HDAC7: variants seen among roughly 807,000 people sequenced by gnomAD.
HDAC7 encodes histone deacetylase 7A.
In HDAC7, 26 loss-of-function variants were observed where a neutral mutation model predicts 115.5. The observed-to-expected ratio is 0.23, with a 90% CI of 0.16 to 0.31. HDAC7 has a LOEUF of 0.31. Ranked by LOEUF, HDAC7 falls within the 10% of genes least tolerant of loss-of-function variation. The pLI is 1.00. For synonymous variants in HDAC7, 564 were observed against 550.9 expected, an observed-to-expected ratio of 1.02 and a Z score of -0.33; for missense variants, 1,068 against 1,329.0, an observed-to-expected ratio of 0.80 and a Z score of 3.05.
At chr12:47,814,249 C>T (rs1275873336) in intron 1 of HDAC7, among the ~76,000 whole-genome samples, 1 of 152,178 alleles carries the variant, frequency 6.6e-6, no homozygotes, top group African/African-American at 2.4e-5. Context: ...CCCTTGAGCC[C>T]TGTCCTCTCT....
rs745933056 is a variant in HDAC7, at chr12:47,791,224, G to A, written c.1983+35C>T. 3.2e-6 allele frequency: 5 copies of A among 1,565,240 alleles called. No homozygotes were observed. In the South Asian group the frequency reaches 4.7e-5, roughly 15 times the overall value. The stretch of plus-strand genomic sequence containing the variant: ...CACAGGGAGGAGAGCTGAGAGCCCT[G>A]GCAACGCCCCCCTGAGACCCCTGGG... On this transcript the variant is annotated intron_variant, in intron 16 of 25. Transcript: ENST00000080059.
At chr12:47,817,152 G>A (rs1302028906) in intron 1 of HDAC7, among the ~76,000 whole-genome samples, 1 of 152,204 alleles carries the variant, frequency 6.6e-6, no homozygotes, top group Non-Finnish European at 1.5e-5. Flanking sequence ...CCTGCTGACC[G>A]GGCTTCCTGC....
Position 47,819,815 on chromosome 12 carries a change from C to T in HDAC7, c.-30G>A, listed in dbSNP as rs1944972227. ...GGGCCGGGGCCCTCAGAGCGGGGGG[C>T]TCATGGCGGGGCGGGGGGCTGGGGC... On this transcript the variant is annotated 5_prime_UTR_variant, in exon 1 of 26. Coordinates refer to ENST00000080059, the MANE Select transcript of HDAC7 (RefSeq NM_015401.5). The T allele has an allele frequency of 4.2e-6, 1 of 240,562 alleles. No individual in the cohort carries two copies. Among genetic ancestry groups the T allele is most frequent in the Non-Finnish European group, 6.9e-6 (1 of 144,268 alleles). The allele number at this position is 240,562 out of a possible 1,614,324, so 14.9% of individuals were successfully genotyped here. A position where few individuals can be genotyped will look rare whatever the true frequency, so the allele number is the denominator to read the frequency against.
At chr12:47,820,187 CG>C (rs1944984718), upstream of HDAC7, among the ~76,000 whole-genome samples, 2 of 151,538 alleles carry the variant, frequency 1.3e-5, no homozygotes, top group African/African-American at 4.8e-5. The surrounding 1 kb of genome is among the most constrained non-coding windows in gnomAD (Gnocchi z 4.3). Context: ...CCCCAGCCGC[CG>C]CGAGGCGCTC....
Position 47,783,263 on chromosome 12 carries a change from C to T in HDAC7, c.*578G>A, listed in dbSNP as rs73107927. ...CCAGATGGAGGGCTGCCAGTCTCGG[C>T]TGTCAGGGAGCTTCGTCTCAGTGCC... On this transcript the variant is annotated 3_prime_UTR_variant, in exon 26 of 26. Transcript: ENST00000080059. The T allele has an allele frequency of 0.025, 3,899 of 155,632 alleles. 68 individuals are homozygous for T. The highest frequency in any genetic ancestry group is 0.04 in the Non-Finnish European group (2,799 of 69,946). 9.6% of individuals were successfully genotyped at this position (155,632 alleles called of 1,614,324 possible). A position where few individuals can be genotyped will look rare whatever the true frequency, so the allele number is the denominator to read the frequency against.
chr12:47,819,506 G>T (rs1273741517), intron 1 of HDAC7, among the ~76,000 whole-genome samples: 1 of 152,036 alleles, frequency 6.6e-6, no homozygotes, highest in Non-Finnish European at 1.5e-5. Flanking sequence ...GCCCCGGGGC[G>T]GGCGGATGTG....
At chr12:47,812,089 CA>C (rs1474448738) in intron 1 of HDAC7, among the ~76,000 whole-genome samples, 3 of 152,248 alleles carry the variant, frequency 2.0e-5, no homozygotes, top group African/African-American at 7.2e-5. Context: ...TCAGGGCCAT[CA>C]GGGGCAGCCC....
Position 47,803,560 on chromosome 12 carries a change from A to G in HDAC7, c.20-1286T>C, listed in dbSNP as rs1274023393. 6.6e-6 allele frequency among the ~76,000 whole-genome samples: 1 copy of G among 151,914 alleles called. No homozygotes were observed. Among genetic ancestry groups the G allele is most frequent in the African/African-American group, 2.4e-5 (1 of 41,332 alleles). On this transcript the variant is annotated intron_variant, in intron 1 of 25. Transcript: ENST00000080059. This position sits in a 1 kb window ranked among gnomAD's most constrained non-coding sequence, Gnocchi z 4.0. ...ATCCTCTGAGGTCCAGCCCAAGTCC[A>G]TCTCCTTGGGAGGCTCTCCCTGACC...
Position 47,793,669 on chromosome 12 carries a change from C to T in HDAC7, c.1459-81G>A. 9.3e-7 allele frequency: 1 copy of T among 1,073,094 alleles called. No individual in the cohort carries two copies. The highest frequency in any genetic ancestry group is 1.3e-6 in the Non-Finnish European group (1 of 762,214). The allele number at this position is 1,073,094 out of a possible 1,614,324, so 66.5% of individuals were successfully genotyped here. On this transcript the variant is annotated intron_variant, in intron 12 of 25. Transcript: ENST00000080059. This position sits in a 1 kb window ranked among gnomAD's most constrained non-coding sequence, Gnocchi z 4.5. Reference sequence around the variant, plus strand: ...TTCTGCCTGAGGTCTTGGGAACTGCCAAGCAGGCCCCTTTCCTAGAGAGAT... The same window carrying T: ...TTCTGCCTGAGGTCTTGGGAACTGCTAAGCAGGCCCCTTTCCTAGAGAGAT...
At position 47,796,210 on chromosome 12, in the gene HDAC7, C is replaced by T. The variant is rs747712570; in HGVS notation, c.792G>A (p.Ser264=). The T allele has an allele frequency of 1.0e-5, 16 of 1,606,494 alleles. No homozygotes were observed. Among genetic ancestry groups the T allele is most frequent in the East Asian group, 4.5e-5 (2 of 44,674 alleles). Reference sequence around the variant, plus strand: ...CCCAGTCTCGGCAAGGCCTTACCTCCGAGCCCAGGATGGGATTGGGGCCGT... The same window carrying T: ...CCCAGTCTCGGCAAGGCCTTACCTCTGAGCCCAGGATGGGATTGGGGCCGT... The part of the protein sequence containing the change: ...SEHGPNPILG[S]EALLGQRLRL... The change falls in exon 8 of 26, where the codon TCG becomes TCA. Residue 264 remains serine (S), a synonymous_variant. Coordinates refer to ENST00000080059, the MANE Select transcript of HDAC7 (RefSeq NM_015401.5).
chr12:47,807,160 G>A (rs1051911748), intron 1 of HDAC7, among the ~76,000 whole-genome samples: 3 of 152,196 alleles, frequency 2.0e-5, no homozygotes, highest in Admixed American at 6.5e-5. Context: ...GGCTGGTCTC[G>A]AACCCCTGTC....
rs757698761 is a variant in HDAC7 at position 47,791,930 on chromosome 12, C to T, written c.1753G>A (p.Gly585Ser). ...CGGGACCAGATGCTCTGGATGCGGCCGGCGTGCTCCGGGTGCCTGCTGTTG... is the reference window on the plus strand; with the variant it reads ...CGGGACCAGATGCTCTGGATGCGGCTGGCGTGCTCCGGGTGCCTGCTGTTG... ...GDNSRHPEHAGRIQSIWSRLQ... is the reference protein window; with the variant it reads ...GDNSRHPEHASRIQSIWSRLQ... The change falls in exon 14 of 26, where the codon GGC becomes AGC. Residue 585 changes from glycine (G) to serine (S), a missense_variant. Around this residue, in one of 6 missense-constraint regions of HDAC7, gnomAD observed 618 missense variants for 701.5 expected, o/e 0.88. Transcript: ENST00000080059. 5 of 1,610,622 alleles carry T rather than the reference C, an allele frequency of 3.1e-6. No homozygotes were observed. Among genetic ancestry groups the T allele is most frequent in the Non-Finnish European group, 3.4e-6 (4 of 1,179,116 alleles).
intron 24 of HDAC7, 127 bp from the exon 25 acceptor site, chr12:47,784,344 A>T (rs3192737): frequency 9.6e-7 from 1 of 1,040,748 alleles, no homozygotes; most frequent in Non-Finnish European, 1.4e-6. Context: ...TCCTCCACTT[A>T]GGGTCGGCTC....
At position 47,793,325 on chromosome 12, in the gene HDAC7, A is replaced by G. The variant is rs1384328661; in HGVS notation, c.1678+44T>C. 6.7e-6 allele frequency: 9 copies of G among 1,347,368 alleles called. No homozygotes were observed. Among genetic ancestry groups the G allele is most frequent in the Non-Finnish European group, 9.0e-6 (9 of 996,340 alleles). The allele number at this position is 1,347,368 out of a possible 1,614,324, so 83.5% of individuals were successfully genotyped here. On this transcript the variant is annotated intron_variant, in intron 13 of 25. Transcript: ENST00000080059. This position sits in a 1 kb window ranked among gnomAD's most constrained non-coding sequence, Gnocchi z 4.5. ...CCAAGACACCCACATGGACTCGTGCAGCCGAGCCCCTCCCTCCACCCGCCA... is the reference window on the plus strand; with the variant it reads ...CCAAGACACCCACATGGACTCGTGCGGCCGAGCCCCTCCCTCCACCCGCCA...
At chr12:47,799,129 G>A in intron 2 of HDAC7, 157 bp from the exon 3 acceptor site, 1 of 573,976 alleles carries the variant, frequency 1.7e-6, no homozygotes. Flanking sequence ...GGTCCTGCAA[G>A]GTAGGTATTA....
intron 16 of HDAC7, 99 bp from the exon 17 acceptor site, chr12:47,790,019 C>T (rs955339626): frequency 1.0e-5 from 9 of 868,888 alleles, no homozygotes; most frequent in African/African-American, 1.7e-5. Flanking sequence ...ACCCCAGGGG[C>T]AGGGAGCTGG....
chr12:47,788,178 C>A lies in HDAC7; in HGVS notation c.2236-14G>T, dbSNP rs776994533. 1 of 1,590,766 alleles carries A rather than the reference C, an allele frequency of 6.3e-7. No individual in the cohort carries two copies. Among genetic ancestry groups the A allele is most frequent in the Non-Finnish European group, 8.6e-7 (1 of 1,167,776 alleles). ...ATGGTGCACGTCCTGTGTAGGGAGA[C>A]GGGCAGCGATTAGGGAAGGCAGAGA... is the stretch of plus-strand genomic sequence containing the variant. On this transcript the variant is annotated splice_polypyrimidine_tract_variant and intron_variant, in intron 19 of 25. Transcript: ENST00000080059.
At chr12:47,810,803 G>GATCTCTCT (rs1944618831) in intron 1 of HDAC7, among the ~76,000 whole-genome samples, 1 of 101,720 alleles carries the variant, frequency 9.8e-6, no homozygotes, top group Non-Finnish European at 2.0e-5. Context: ...GGGAGGAAAA[G>GATCTCTCT]GTCTCTCTCT....
In HDAC7 at chr12:47,789,894, C is replaced by G; in HGVS notation, c.2010G>C (p.Glu670Asp). ...AGCGGGCTGCATTGGAGGAATGAAG[C>G]TCATTCCAGATGGTGTCAGTGTCCA... Reference protein sequence around the residue: ...VGVDTDTIWNELHSSNAARWA... With the variant: ...VGVDTDTIWNDLHSSNAARWA... Residue 670 changes from glutamate to aspartate, a missense_variant, in exon 17 of 26, where the codon GAG becomes GAC. Around this residue, in one of 6 missense-constraint regions of HDAC7, gnomAD observed 182 missense variants for 301.1 expected, o/e 0.60. Coordinates refer to ENST00000080059, the MANE Select transcript of HDAC7 (RefSeq NM_015401.5). 1 of 1,613,376 alleles carries G rather than the reference C, an allele frequency of 6.2e-7. No homozygotes were observed. Among genetic ancestry groups the G allele is most frequent in the Non-Finnish European group, 8.5e-7 (1 of 1,179,608 alleles).
Sources: gnomAD v4.1 joint callset for allele counts (sites outside exome capture counted in the v4.1 genomes callset) on GRCh38, gnomAD v4.1.1 for gene constraint, gnomAD v4.1.1 regional missense constraint, Gnocchi (gnomAD v3.1) non-coding constraint, MANE v1.5 for transcripts, NCBI Gene and HGNC (gene_info 2026-07-23, HGNC 2026-07-21) for gene names.